Variants in PKHD1 observed in about 807,000 individuals in gnomAD.
PKHD1 encodes the protein PKHD1 ciliary IPT domain containing fibrocystin/polyductin, also known as fibrocystin.
In PKHD1, 291 loss-of-function variants were observed where a neutral mutation model predicts 412.0. That is an observed-to-expected ratio of 0.71 (90% CI 0.64 to 0.78). The LOEUF is 0.78. PKHD1 is among the 30% of genes least tolerant of loss of function. The pLI is 0.00. For missense variants in PKHD1, 4,825 were observed against 4,950.7 expected, an observed-to-expected ratio of 0.97 and a Z score of 0.76; for synonymous variants, 1,777 against 1,821.5, an observed-to-expected ratio of 0.98 and a Z score of 0.62.
intron 35 of PKHD1, among the ~76,000 whole-genome samples, chr6:51,982,725 T>A (rs1469098529): frequency 7.0e-6 from 1 of 143,810 alleles, no homozygotes; most frequent in African/African-American, 2.6e-5. Flanking sequence ...TGTTCACTTG[T>A]TTATCTGCTG....
intron 28 of PKHD1, among the ~76,000 whole-genome samples, chr6:52,035,065 T>G (rs1332725232): frequency 6.6e-6 from 1 of 152,142 alleles, no homozygotes; most frequent in Non-Finnish European, 1.5e-5. Flanking sequence ...GATATAGCAC[T>G]AATTGAAAGG....
chr6:52,025,190 TGTC>T lies in PKHD1; in HGVS notation c.4617_4619del (p.Thr1540del). The T allele has an allele frequency of 6.2e-7, 1 of 1,614,202 alleles. No individual in the cohort carries two copies. ...AGTGGGGTCCTGGGGCCAAGTCTCT[TGTC>T]TGGCACACAACGTGGCTTGCATTAA... On this transcript the variant is annotated inframe_deletion, in exon 32 of 67. Transcript: ENST00000371117.
rs567429335 is a variant in PKHD1 at position 51,791,086 on chromosome 6, G to A, written c.8440+150C>T. On this transcript the variant is annotated intron_variant, in intron 53 of 66. Coordinates refer to ENST00000371117, the MANE Select transcript of PKHD1 (RefSeq NM_138694.4). ...CCTCTGACCACATGTAAAGCTTGCC[G>A]AAGAGCAACTTTACTGGTGCACTCA... The A allele has an allele frequency of 8.5e-4, 668 of 783,140 alleles. 7 individuals are homozygous for A. In the South Asian group the frequency reaches 8.9e-3, roughly 10 times the overall value. The allele number at this position is 783,140 out of a possible 1,614,324, so 48.5% of individuals were successfully genotyped here.
chr6:51,836,385 T>G lies in PKHD1; in HGVS notation c.8173+19A>C, dbSNP rs771041591. Reference sequence around the variant, plus strand: ...ATTCTGCCATACTAGACACTTCTACTTCGTGTGTTAATACTCACCTGAAAT... The same window carrying G: ...ATTCTGCCATACTAGACACTTCTACGTCGTGTGTTAATACTCACCTGAAAT... On this transcript the variant is annotated intron_variant, in intron 51 of 66. Transcript: ENST00000371117. 2 of 1,548,302 alleles carry G rather than the reference T, an allele frequency of 1.3e-6. No homozygotes were observed. The highest frequency in any genetic ancestry group is 1.8e-6 in the Non-Finnish European group (2 of 1,120,166).
chr6:51,703,698 G>A (rs571400300), intron 60 of PKHD1, among the ~76,000 whole-genome samples: 37 of 152,064 alleles, frequency 2.4e-4, no homozygotes, highest in African/African-American at 7.9e-4. Context: ...TCCCAAGGAG[G>A]TCTGTTGTAA....
At chr6:52,068,376 A>G (rs1224963073) in intron 11 of PKHD1, among the ~76,000 whole-genome samples, 1 of 152,218 alleles carries the variant, frequency 6.6e-6, no homozygotes, top group Non-Finnish European at 1.5e-5. Context: ...GTGTCATCAG[A>G]GATACCTGTC....
chr6:51,859,784 T>C (rs1773902648), intron 48 of PKHD1, among the ~76,000 whole-genome samples: 1 of 152,152 alleles, frequency 6.6e-6, no homozygotes. Flanking sequence ...CTCCCCAGTT[T>C]CTGAAGGCCC....
chr6:51,916,155 C>T (rs1053356133), intron 37 of PKHD1, among the ~76,000 whole-genome samples: 3 of 152,224 alleles, frequency 2.0e-5, no homozygotes, highest in Non-Finnish European at 2.9e-5. Flanking sequence ...GGCACAATTC[C>T]TAACACAGCA....
chr6:51,766,409 G>C (rs944527603), intron 55 of PKHD1, among the ~76,000 whole-genome samples: 3 of 152,012 alleles, frequency 2.0e-5, no homozygotes, highest in Non-Finnish European at 4.4e-5. Context: ...ATGTGAATGT[G>C]AGCCTCTGCT....
chr6:51,940,500 C>T (rs765371996), intron 36 of PKHD1, among the ~76,000 whole-genome samples: 9 of 151,792 alleles, frequency 5.9e-5, no homozygotes, highest in African/African-American at 1.2e-4. Flanking sequence ...GCCCACAGCC[C>T]GGGATTCCTC....
intron 23 of PKHD1, 50 bp from the exon 24 acceptor site, chr6:52,046,238 C>T: frequency 3.7e-6 from 5 of 1,362,786 alleles, no homozygotes; most frequent in Non-Finnish European, 5.3e-6. Context: ...ATTAATCCAC[C>T]TTACAGAGTT....
chr6:51,812,974 C>T (rs562299884), intron 52 of PKHD1, among the ~76,000 whole-genome samples: 52 of 152,180 alleles, frequency 3.4e-4, no homozygotes, highest in African/African-American at 1.2e-3. Flanking sequence ...TCTTTGAATC[C>T]ACCTATGACC....
intron 14 of PKHD1, 99 bp downstream of exon 14, chr6:52,062,420 A>G: frequency 1.6e-6 from 2 of 1,255,746 alleles, no homozygotes; most frequent in African/African-American, 1.5e-5. Context: ...AGTGTTATAA[A>G]TTCCTGGAAA....
At chr6:51,821,703 A>T (rs2151458258) in intron 52 of PKHD1, among the ~76,000 whole-genome samples, 1 of 152,136 alleles carries the variant, frequency 6.6e-6, no homozygotes, top group South Asian at 2.1e-4. Flanking sequence ...CAGTGATTTC[A>T]TTTTTTGTTT....
At chr6:51,925,677 TCCAGCTTG>T (rs1299289375) in intron 37 of PKHD1, among the ~76,000 whole-genome samples, 1 of 152,204 alleles carries the variant, frequency 6.6e-6, no homozygotes, top group Non-Finnish European at 1.5e-5. Flanking sequence ...TTCTTGGATA[TCCAGCTTG>T]CTGGCCTTCT....
chr6:51,869,019 AAG>A (rs1775531742), intron 47 of PKHD1, among the ~76,000 whole-genome samples: 1 of 152,146 alleles, frequency 6.6e-6, no homozygotes, highest in African/African-American at 2.4e-5. Flanking sequence ...ATATAAAAAA[AAG>A]AAAATAAAAT....
chr6:51,850,242 C>T (rs1302093208), intron 49 of PKHD1, among the ~76,000 whole-genome samples: 1 of 152,118 alleles, frequency 6.6e-6, no homozygotes, highest in Non-Finnish European at 1.5e-5. Context: ...TGTTCTGCTC[C>T]ATCGGTCTAT....
At chr6:51,676,663 T>C (rs1402653440) in intron 60 of PKHD1, among the ~76,000 whole-genome samples, 3 of 152,144 alleles carry the variant, frequency 2.0e-5, no homozygotes, top group African/African-American at 7.2e-5. Context: ...TGAAGACAGG[T>C]TGAATTTATC....
chr6:51,959,547 T>C (rs1791673979), intron 36 of PKHD1, among the ~76,000 whole-genome samples: 3 of 152,254 alleles, frequency 2.0e-5, no homozygotes, highest in Middle Eastern at 3.4e-3. Context: ...CAGGGCATTT[T>C]GCTATATTGT....
Sources: gnomAD v4.1 joint callset for allele counts (sites outside exome capture counted in the v4.1 genomes callset) on GRCh38, gnomAD v4.1.1 for gene constraint, MANE v1.5 for transcripts, NCBI Gene and HGNC (gene_info 2026-07-23, HGNC 2026-07-21) for gene names.